Variants in DAB1 observed in about 807,000 individuals in gnomAD.
DAB1 encodes disabled homolog 1.
DAB1 carries 15 observed loss-of-function variants against 64.6 expected under a neutral mutation model. That is an observed-to-expected ratio of 0.23 (90% CI 0.16 to 0.36). DAB1 has a LOEUF of 0.36. DAB1 is among the 10% of genes least tolerant of loss of function. DAB1 has a pLI of 1.00. For synonymous variants in DAB1, 235 were observed against 251.9 expected, an observed-to-expected ratio of 0.93 and a Z score of 0.64; for missense variants, 596 against 706.7, an observed-to-expected ratio of 0.84 and a Z score of 1.78.
intron 4 of DAB1, among the ~76,000 whole-genome samples, chr1:58,161,248 G>A (rs1655520177): frequency 6.6e-6 from 1 of 152,186 alleles, no homozygotes. Flanking sequence ...GCCTTAGAGA[G>A]CGCAAGTTCA....
chr1:57,663,280 C>T (rs1055022944), intron 6 of DAB1, among the ~76,000 whole-genome samples: 1 of 152,108 alleles, frequency 6.6e-6, no homozygotes, highest in Admixed American at 6.5e-5. Flanking sequence ...GGAAGTCCAC[C>T]CCATGATCCA....
intron 4 of DAB1, among the ~76,000 whole-genome samples, chr1:58,241,588 A>G (rs1660301089): frequency 2.0e-5 from 3 of 152,110 alleles, no homozygotes; most frequent in Non-Finnish European, 4.4e-5. Flanking sequence ...GAAAAAAATG[A>G]CTATCTATAA....
At chr1:57,323,881 G>A (rs1675932370) in intron 1 of DAB1, among the ~76,000 whole-genome samples, 1 of 152,022 alleles carries the variant, frequency 6.6e-6, no homozygotes, top group South Asian at 2.1e-4. Flanking sequence ...CGAGAGTGGT[G>A]TCAAGCAGTA....
At chr1:58,180,201 T>C (rs1176282208) in intron 4 of DAB1, among the ~76,000 whole-genome samples, 1 of 151,560 alleles carries the variant, frequency 6.6e-6, no homozygotes, top group Admixed American at 6.6e-5. Context: ...TGGGTTTGAA[T>C]TGCTATTATT....
intron 4 of DAB1, among the ~76,000 whole-genome samples, chr1:58,172,011 T>C (rs1199734023): frequency 6.6e-6 from 1 of 152,164 alleles, no homozygotes; most frequent in Non-Finnish European, 1.5e-5. Context: ...GTGCAGGGGT[T>C]CCTTGGAATC....
chr1:58,131,607 T>C (rs1653579676), intron 5 of DAB1, among the ~76,000 whole-genome samples: 1 of 133,050 alleles, frequency 7.5e-6, no homozygotes, highest in Non-Finnish European at 1.5e-5. Flanking sequence ...TTTTGGTCTT[T>C]GATGATGGTG....
intron 1 of DAB1, among the ~76,000 whole-genome samples, chr1:57,388,366 GC>G (rs1682060309): frequency 6.6e-6 from 1 of 152,066 alleles, no homozygotes; most frequent in Non-Finnish European, 1.5e-5. Context: ...ATTATAACAG[GC>G]ATCTCCTCCC....
chr1:58,391,845 C>G (rs568844125), intron 3 of DAB1, among the ~76,000 whole-genome samples: 2 of 152,334 alleles, frequency 1.3e-5, no homozygotes, highest in African/African-American at 4.8e-5. Flanking sequence ...AGCTGAAACT[C>G]TGTGAATATC....
chr1:57,598,280 C>A (rs1016125431), intron 7 of DAB1, among the ~76,000 whole-genome samples: 6 of 152,278 alleles, frequency 3.9e-5, no homozygotes, highest in African/African-American at 1.4e-4. Context: ...CGGCGCCCAG[C>A]CGGTATCCAC....
In DAB1 at chr1:57,437,798, G is replaced by T. The variant is rs993726783; in HGVS notation, n.626-146632C>A. 3.9e-5 allele frequency among the ~76,000 whole-genome samples: 6 copies of T among 152,272 alleles called. No homozygotes were observed. In the East Asian group the frequency reaches 5.8e-4, roughly 15 times the overall value. ...TTTTGGAACCGTTATCACATTAAAT[G>T]TCTCTCTATCCATGCCCCCAGTATG... is the stretch of plus-strand genomic sequence containing the variant. On this transcript the variant is annotated intron_variant and non_coding_transcript_variant, in intron 7 of 20. Transcript: ENST00000485760.
chr1:58,168,470 C>T (rs539943917), intron 4 of DAB1, among the ~76,000 whole-genome samples: 1 of 152,244 alleles, frequency 6.6e-6, no homozygotes, highest in South Asian at 2.1e-4. Flanking sequence ...TTCTCTGAGG[C>T]TAGTCCCACT....
At chr1:58,391,405 C>T (rs1412296527) in intron 3 of DAB1, among the ~76,000 whole-genome samples, 1 of 152,184 alleles carries the variant, frequency 6.6e-6, no homozygotes, top group Non-Finnish European at 1.5e-5. Context: ...TCCTAAAATA[C>T]AGGGCAGAGG....
intron 5 of DAB1, among the ~76,000 whole-genome samples, chr1:58,066,469 A>G (rs920121748): frequency 3.9e-5 from 6 of 152,236 alleles, no homozygotes; most frequent in African/African-American, 1.2e-4. Flanking sequence ...GTTAACAATA[A>G]TAATAATTGC....
In DAB1 at chr1:58,458,145, G is replaced by A. The variant is rs112557040; in HGVS notation, n.257+47915C>T. 2.9e-3 allele frequency among the ~76,000 whole-genome samples: 446 copies of A among 152,262 alleles called. 3 individuals carry two copies. Among genetic ancestry groups the A allele is most frequent in the African/African-American group, 0.011 (437 of 41,546 alleles). On this transcript the variant is annotated intron_variant and non_coding_transcript_variant, in intron 3 of 20. Coordinates refer to the DAB1 transcript ENST00000485760. Reference sequence around the variant, plus strand: ...CAGGTGGCTTCTTAAATTCAAATTGGTTTAAATTACATATAATTAAAAATT... The same window carrying A: ...CAGGTGGCTTCTTAAATTCAAATTGATTTAAATTACATATAATTAAAAATT...
intron 4 of DAB1, among the ~76,000 whole-genome samples, chr1:58,334,116 C>T (rs527819318): frequency 1.6e-4 from 24 of 152,204 alleles, no homozygotes; most frequent in African/African-American, 5.8e-4. Context: ...TTGAGCTTGG[C>T]CATGTGACAT....
At chr1:58,358,929 T>C (rs11488187) in intron 3 of DAB1, among the ~76,000 whole-genome samples, 10 of 107,450 alleles carry the variant, frequency 9.3e-5, no homozygotes, top group South Asian at 3.7e-4. Flanking sequence ...CTTCCTTTCT[T>C]TCTCTCTCTC....
At chr1:57,654,482 TG>T (rs1288721714) in intron 6 of DAB1, among the ~76,000 whole-genome samples, 1 of 152,210 alleles carries the variant, frequency 6.6e-6, no homozygotes, top group Non-Finnish European at 1.5e-5. Context: ...AGATATGTGG[TG>T]GTATATAGGG....
At chr1:57,892,371 T>C (rs1644328513) in intron 5 of DAB1, among the ~76,000 whole-genome samples, 1 of 152,224 alleles carries the variant, frequency 6.6e-6, no homozygotes, top group Non-Finnish European at 1.5e-5. Context: ...CAGATGATAA[T>C]GATAATAGCA....
intron 5 of DAB1, among the ~76,000 whole-genome samples, chr1:57,907,922 TAC>T (rs372543898): frequency 0.16 from 22,851 of 145,280 alleles, 3,571 homozygotes; most frequent in African/African-American, 0.41. Flanking sequence ...AATATATATA[TAC>T]ACACACACAC....
Sources: allele counts gnomAD v4.1 joint callset (sites outside exome capture counted in the v4.1 genomes callset), GRCh38; gene constraint gnomAD v4.1.1; transcripts MANE v1.5; gene names NCBI Gene and HGNC (gene_info 2026-07-23, HGNC 2026-07-21).